The following RSRC1 variants were observed in gnomAD, a reference collection of about 807,000 sequenced individuals.
RSRC1 encodes the protein serine/Arginine-related protein 53.
A neutral mutation model predicts 49.1 loss-of-function variants in RSRC1; 39 were observed. That is an observed-to-expected ratio of 0.79 (90% CI 0.61 to 1.04). The LOEUF (loss-of-function observed/expected upper bound fraction) is 1.04, where lower values mean the gene tolerates loss of function less well. Among genes scored for constraint, RSRC1 ranks in the 50% least tolerant of loss-of-function variants. RSRC1 has a pLI of 0.00. For synonymous variants in RSRC1, 143 were observed against 130.8 expected, an observed-to-expected ratio of 1.09 and a Z score of -0.63; for missense variants, 388 against 402.4, an observed-to-expected ratio of 0.96 and a Z score of 0.31.
rs534033059 is a variant in RSRC1 at position 158,545,349 on chromosome 3, C to G, written c.*1074C>G. On this transcript the variant is annotated 3_prime_UTR_variant, in exon 10 of 10. Coordinates refer to ENST00000611884, the MANE Select transcript of RSRC1 (RefSeq NM_001271838.2). ...CCCGAGTAGCTGGGACTACAGGCAC[C>G]CGCTAACATGCCCAGCTAATTTTTT... 1 of 151,840 alleles carries G rather than the reference C, an allele frequency of 6.6e-6. No individual in the cohort carries two copies. Among genetic ancestry groups the G allele is most frequent in the South Asian group, 2.1e-4 (1 of 4,794 alleles). 9.4% of individuals were successfully genotyped at this position (151,840 alleles called of 1,614,324 possible).
chr3:158,126,874 TTTTTTG>T (rs139992270), intron 3 of RSRC1, among the ~76,000 whole-genome samples: 6,740 of 150,746 alleles, frequency 0.045, 331 homozygotes, highest in African/African-American at 0.13. Flanking sequence ...TGACAGGGTT[TTTTTTG>T]TTTTTGTTTT....
chr3:158,206,197 G>A (rs991130249), intron 4 of RSRC1, among the ~76,000 whole-genome samples: 1 of 152,144 alleles, frequency 6.6e-6, no homozygotes, highest in African/African-American at 2.4e-5. Context: ...CTTCTCACAG[G>A]CTAGTCTAAG....
At chr3:158,139,285 C>A (rs1716587495) in intron 3 of RSRC1, among the ~76,000 whole-genome samples, 1 of 151,966 alleles carries the variant, frequency 6.6e-6, no homozygotes, top group African/African-American at 2.4e-5. Context: ...CCTGTAATCC[C>A]AGCTACTCAG....
At chr3:158,161,580 G>C (rs1718220107) in intron 3 of RSRC1, among the ~76,000 whole-genome samples, 1 of 152,004 alleles carries the variant, frequency 6.6e-6, no homozygotes, top group South Asian at 2.1e-4. Flanking sequence ...TGGCCAACAT[G>C]GTGAAACTCC....
intron 7 of RSRC1, among the ~76,000 whole-genome samples, chr3:158,500,652 G>GTTT (rs1298387617): frequency 6.6e-6 from 1 of 151,942 alleles, no homozygotes; most frequent in Admixed American, 6.6e-5. Context: ...TGTACATAAA[G>GTTT]GTGTTCATAG....
intron 4 of RSRC1, among the ~76,000 whole-genome samples, chr3:158,206,731 T>C (rs537665625): frequency 6.6e-6 from 1 of 152,178 alleles, no homozygotes; most frequent in East Asian, 1.9e-4. Context: ...CTGACCAACA[T>C]GGTGAAACCC....
chr3:158,255,153 T>G (rs1211230336), intron 4 of RSRC1, among the ~76,000 whole-genome samples: 1 of 152,192 alleles, frequency 6.6e-6, no homozygotes, highest in Admixed American at 6.5e-5. Context: ...CCTGTGTCCT[T>G]AATGGTATTC....
At chr3:158,265,117 C>A (rs1370768150) in intron 4 of RSRC1, among the ~76,000 whole-genome samples, 1 of 152,210 alleles carries the variant, frequency 6.6e-6, no homozygotes, top group East Asian at 1.9e-4. Context: ...TACTTGAGTT[C>A]TCCTCTGTTG....
chr3:158,402,911 A>T (rs937419489), intron 6 of RSRC1, among the ~76,000 whole-genome samples: 1 of 151,860 alleles, frequency 6.6e-6, no homozygotes, highest in Non-Finnish European at 1.5e-5. Context: ...AGATGATAAA[A>T]TGAGTTGTGC....
intron 4 of RSRC1, among the ~76,000 whole-genome samples, chr3:158,294,637 GAGTGGA>G (rs1727133217): frequency 6.6e-6 from 1 of 151,968 alleles, no homozygotes; most frequent in Non-Finnish European, 1.5e-5. Flanking sequence ...TTAAAAACTA[GAGTGGA>G]CAATCTCTAG....
At chr3:158,473,075 A>T (rs531395144) in intron 7 of RSRC1, among the ~76,000 whole-genome samples, 11 of 152,316 alleles carry the variant, frequency 7.2e-5, no homozygotes, top group Non-Finnish European at 4.4e-5. Context: ...GGGACTGTAA[A>T]CTAGTTCAAC....
intron 6 of RSRC1, among the ~76,000 whole-genome samples, chr3:158,425,279 G>A (rs1735345739): frequency 6.6e-6 from 1 of 152,044 alleles, no homozygotes; most frequent in Non-Finnish European, 1.5e-5. Context: ...GGTATATTGT[G>A]TCTTTGTTCT....
intron 7 of RSRC1, among the ~76,000 whole-genome samples, chr3:158,516,771 G>T (rs377593828): frequency 6.6e-6 from 1 of 152,222 alleles, no homozygotes; most frequent in Non-Finnish European, 1.5e-5. Context: ...AGGGCCCTCC[G>T]AGCCAGGTGC....
chr3:158,425,654 C>T (rs929054043), intron 6 of RSRC1, among the ~76,000 whole-genome samples: 3 of 151,756 alleles, frequency 2.0e-5, no homozygotes, highest in African/African-American at 4.8e-5. Flanking sequence ...CTTTCTGTCT[C>T]GTTGATCTGT....
intron 4 of RSRC1, among the ~76,000 whole-genome samples, chr3:158,289,969 A>G (rs992844578): frequency 1.3e-5 from 2 of 150,564 alleles, no homozygotes; most frequent in Admixed American, 1.3e-4. Flanking sequence ...CCAAGATTTG[A>G]TGTTTGAAAA....
chr3:158,219,313 C>T (rs749756359), intron 4 of RSRC1, among the ~76,000 whole-genome samples: 1 of 151,060 alleles, frequency 6.6e-6, no homozygotes, highest in Non-Finnish European at 1.5e-5. Flanking sequence ...CTTTCATTCT[C>T]CTCCTCTTTT....
intron 7 of RSRC1, among the ~76,000 whole-genome samples, chr3:158,503,416 G>A (rs1739699695): frequency 6.6e-6 from 1 of 152,172 alleles, no homozygotes; most frequent in Non-Finnish European, 1.5e-5. Flanking sequence ...GTAGTATGGA[G>A]AGGAACCAGT....
At chr3:158,239,168 C>T (rs1723419878) in intron 4 of RSRC1, among the ~76,000 whole-genome samples, 1 of 152,184 alleles carries the variant, frequency 6.6e-6, no homozygotes, top group Admixed American at 6.5e-5. Flanking sequence ...GAGATACCAT[C>T]TTACCCCAGT....
At chr3:158,496,696 C>T in intron 7 of RSRC1, 1 of 223,062 alleles carries the variant, frequency 4.5e-6, no homozygotes, top group South Asian at 6.6e-5. Context: ...TACATGTTTG[C>T]ATCCAGCTTT....
Sources: gnomAD v4.1 joint callset for allele counts (sites outside exome capture counted in the v4.1 genomes callset) on GRCh38, gnomAD v4.1.1 for gene constraint, MANE v1.5 for transcripts, NCBI Gene and HGNC (gene_info 2026-07-23, HGNC 2026-07-21) for gene names.